Variants in KANK1 observed in about 807,000 individuals in gnomAD.
KANK1 encodes the protein KN motif and ankyrin repeat domains 1.
In KANK1, 109 loss-of-function variants were observed where a neutral mutation model predicts 106.2. That is an observed-to-expected ratio of 1.03 (90% CI 0.88 to 1.20). KANK1 has a LOEUF of 1.20. Among genes scored for constraint, KANK1 ranks in the 50% most tolerant of loss-of-function variants. The probability of loss-of-function intolerance (pLI) is 0.00; values close to 1 mark genes in which losing one functional copy is unlikely to be tolerated. For synonymous variants in KANK1, 873 were observed against 652.2 expected, an observed-to-expected ratio of 1.34 and a Z score of -5.16; for missense variants, 2,399 against 1,710.7, an observed-to-expected ratio of 1.40 and a Z score of -7.10.
At chr9:474,581 C>T (rs1029500692) in intron 3 of KANK1, among the ~76,000 whole-genome samples, 1 of 152,120 alleles carries the variant, frequency 6.6e-6, no homozygotes, top group Admixed American at 6.5e-5. Flanking sequence ...CCTATCTTTT[C>T]CCTGTGTCGT....
intron 1 of KANK1, among the ~76,000 whole-genome samples, chr9:669,886 C>G: frequency 6.6e-6 from 1 of 152,048 alleles, no homozygotes; most frequent in East Asian, 1.9e-4. Flanking sequence ...AGGTAATTTT[C>G]TATATCTTGT....
In KANK1 at chr9:707,232, C is replaced by T. The variant is rs7871817; in HGVS notation, c.38-3572C>T. ...GGGCAGCGCGGGCTGGCGGGGAGCG[C>T]GGCGGGCGCCACGTGGTAGGTGAGC... On this transcript the variant is annotated intron_variant, in intron 2 of 11. Transcript: ENST00000382297. 755 of 986,156 alleles carry T rather than the reference C, an allele frequency of 7.7e-4. 9 individuals carry two copies. In the African/African-American group the frequency reaches 0.011, roughly 15 times the overall value. The allele number at this position is 986,156 out of a possible 1,614,324, so 61.1% of individuals were successfully genotyped here.
At chr9:544,664 A>G (rs2060823264) in intron 1 of KANK1, among the ~76,000 whole-genome samples, 1 of 152,006 alleles carries the variant, frequency 6.6e-6, no homozygotes, top group African/African-American at 2.4e-5. Flanking sequence ...TCATACTGGG[A>G]ACATTAATGG....
intron 1 of KANK1, among the ~76,000 whole-genome samples, chr9:581,677 G>A (rs573847473): frequency 6.0e-4 from 92 of 152,234 alleles, no homozygotes; most frequent in Middle Eastern, 3.4e-3. Flanking sequence ...GATTCACCTC[G>A]ATTATTCTTG....
At position 712,168 on chromosome 9, in the gene KANK1, A is replaced by G. The variant is rs749948089; in HGVS notation, c.1402A>G (p.Lys468Glu). ...QQQTIESLKE[K>E]IYRLEVQLRE... ...GCAGACCATAGAATCCTTGAAGGAA[A>G]AGATCTATCGCCTAGAAGTACAGCT... Residue 468 changes from lysine to glutamate, a missense_variant, in exon 3 of 12, where the codon AAG becomes GAG. Lys to Glu is a moderately conservative substitution (Grantham distance 56). Transcript: ENST00000382297. 8.7e-6 allele frequency: 14 copies of G among 1,614,008 alleles called. No homozygotes were observed. Among genetic ancestry groups the G allele is most frequent in the Admixed American group, 1.7e-5 (1 of 60,004 alleles).
At chr9:513,419 T>A (rs2059120793) in intron 1 of KANK1, among the ~76,000 whole-genome samples, 1 of 151,982 alleles carries the variant, frequency 6.6e-6, no homozygotes. Flanking sequence ...TGGAGGTGTT[T>A]TGGGTTTTTT....
upstream of KANK1, among the ~76,000 whole-genome samples, chr9:502,977 GGC>G (rs1361236156): frequency 6.6e-6 from 1 of 150,522 alleles, no homozygotes; most frequent in African/African-American, 2.4e-5. Flanking sequence ...TGGGACTACA[GGC>G]GCGCGCCATC....
chr9:543,595 C>T (rs1009951107), intron 1 of KANK1, among the ~76,000 whole-genome samples: 1 of 151,678 alleles, frequency 6.6e-6, no homozygotes, highest in South Asian at 2.1e-4. Flanking sequence ...AATCCGCAAG[C>T]TTCAGAAGAC....
intron 2 of KANK1, among the ~76,000 whole-genome samples, chr9:472,426 A>G (rs1456284032): frequency 6.6e-6 from 1 of 152,228 alleles, no homozygotes; most frequent in Non-Finnish European, 1.5e-5. Context: ...TCTTAGCACC[A>G]GAAGAGCTCT....
chr9:678,432 A>C (rs1349853282), intron 2 of KANK1, among the ~76,000 whole-genome samples: 1 of 152,180 alleles, frequency 6.6e-6, no homozygotes, highest in Admixed American at 6.5e-5. Context: ...CTGTAAATGA[A>C]GTAAGAAAAA....
At chr9:528,538 G>C (rs1221281839) in intron 1 of KANK1, among the ~76,000 whole-genome samples, 3 of 126,278 alleles carry the variant, frequency 2.4e-5, no homozygotes, top group African/African-American at 5.9e-5. Context: ...CTGGAGTGCA[G>C]TGGCTTGATC....
chr9:689,239 C>A (rs886659494), intron 2 of KANK1, among the ~76,000 whole-genome samples: 1 of 152,164 alleles, frequency 6.6e-6, no homozygotes, highest in Non-Finnish European at 1.5e-5. Context: ...GCCCATGCGA[C>A]ACTAGTTTTA....
intron 1 of KANK1, among the ~76,000 whole-genome samples, chr9:518,322 A>G (rs1350024920): frequency 1.3e-5 from 2 of 151,554 alleles, no homozygotes; most frequent in Non-Finnish European, 2.9e-5. Flanking sequence ...TCACATGTTG[A>G]AGTCTGTATT....
intron 10 of KANK1, 122 bp from the exon 11 acceptor site, chr9:744,369 G>T (rs569190541): frequency 4.3e-5 from 50 of 1,156,062 alleles, no homozygotes; most frequent in Non-Finnish European, 5.6e-5. Flanking sequence ...CCAGAAGACC[G>T]AACGAGTAGG....
intron 2 of KANK1, among the ~76,000 whole-genome samples, chr9:688,908 C>G (rs527880806): frequency 6.6e-6 from 1 of 152,304 alleles, no homozygotes; most frequent in East Asian, 1.9e-4. Context: ...GGGGGTATGG[C>G]TGGCTGGCCT....
intron 2 of KANK1, among the ~76,000 whole-genome samples, chr9:472,521 C>T (rs1233731919): frequency 1.3e-5 from 2 of 152,210 alleles, no homozygotes; most frequent in African/African-American, 2.4e-5. Context: ...GATTTTCCCA[C>T]TCCTCCTCTT....
chr9:591,486 C>T (rs1824864053), intron 1 of KANK1, among the ~76,000 whole-genome samples: 1 of 151,636 alleles, frequency 6.6e-6, no homozygotes, highest in Non-Finnish European at 1.5e-5. Context: ...TGCTGTAAAG[C>T]CCCACCTCTT....
intron 1 of KANK1, among the ~76,000 whole-genome samples, chr9:630,234 C>T (rs894313993): frequency 2.0e-5 from 3 of 150,154 alleles, no homozygotes; most frequent in African/African-American, 2.5e-5. Flanking sequence ...GGCAACAGAG[C>T]GAGACTCTGT....
At chr9:627,502 T>C (rs1473232816) in intron 1 of KANK1, among the ~76,000 whole-genome samples, 1 of 152,216 alleles carries the variant, frequency 6.6e-6, no homozygotes, top group Non-Finnish European at 1.5e-5. Flanking sequence ...GGACCTAGAA[T>C]TTAATCTCTT....
Sources: allele counts gnomAD v4.1 joint callset (sites outside exome capture counted in the v4.1 genomes callset), GRCh38; gene constraint gnomAD v4.1.1; transcripts MANE v1.5; gene names NCBI Gene and HGNC (gene_info 2026-07-23, HGNC 2026-07-21).